CLSTN2: variants seen among roughly 807,000 people sequenced by gnomAD.
CLSTN2 encodes the protein calsyntenin-2.
CLSTN2 carries 48 observed loss-of-function variants against 101.2 expected under a neutral mutation model. That is an observed-to-expected ratio of 0.47 (90% CI 0.38 to 0.60). CLSTN2 has a LOEUF of 0.60. Among genes scored for constraint, CLSTN2 ranks in the 20% least tolerant of loss-of-function variants. CLSTN2 has a pLI of 0.00. For synonymous variants in CLSTN2, 481 were observed against 463.6 expected, an observed-to-expected ratio of 1.04 and a Z score of -0.48; for missense variants, 1,160 against 1,238.2, an observed-to-expected ratio of 0.94 and a Z score of 0.95.
chr3:140,121,711 C>A (rs2009343769), intron 1 of CLSTN2, among the ~76,000 whole-genome samples: 1 of 152,170 alleles, frequency 6.6e-6, no homozygotes, highest in Non-Finnish European at 1.5e-5. Context: ...AAGGGAAGTT[C>A]TGTGGTCTGG....
Position 140,111,512 on chromosome 3 carries a change from G to A in CLSTN2, c.110-64439G>A, listed in dbSNP as rs1412252998. ...AGGAGCAGAGTCTCTGTTTAGGCCT[G>A]AGCCCCAGTGTATCAAAGTGCCCCC... On this transcript the variant is annotated intron_variant, in intron 1 of 16. Transcript: ENST00000458420. Among the ~76,000 whole-genome samples, 6 of 152,098 alleles carry A rather than the reference G, an allele frequency of 3.9e-5. No homozygotes were observed. In the East Asian group the frequency reaches 9.7e-4, roughly 25 times the overall value.
chr3:140,486,604 C>A lies in CLSTN2; in HGVS notation c.1344+19873C>A, dbSNP rs377069296. Among the ~76,000 whole-genome samples the A allele has an allele frequency of 2.0e-5, 3 of 152,270 alleles. 1 individual carries two copies. The stretch of plus-strand genomic sequence containing the variant: ...GAGTACTCAGGCAGAGGGAGGAGTA[C>A]TCCCAGGCAAAAAACTTCAAGCTCC... On this transcript the variant is annotated intron_variant, in intron 8 of 16. Transcript: ENST00000458420.
Position 140,359,449 on chromosome 3 carries a change from C to G in CLSTN2, c.233-44180C>G, listed in dbSNP as rs567064637. 3.5e-4 allele frequency among the ~76,000 whole-genome samples: 54 copies of G among 152,310 alleles called. 1 individual carries two copies. Among genetic ancestry groups the G allele is most frequent in the African/African-American group, 1.3e-3 (53 of 41,562 alleles). On this transcript the variant is annotated intron_variant, in intron 2 of 16. Transcript: ENST00000458420. ...TAGCCAGGGCTGCACTGATGCTAAA[C>G]ATTATGTGTACACACATTAAGAAAG...
At chr3:139,944,310 T>C (rs769923757) in intron 1 of CLSTN2, among the ~76,000 whole-genome samples, 3 of 152,170 alleles carry the variant, frequency 2.0e-5, no homozygotes, top group Non-Finnish European at 2.9e-5. Context: ...GGATGCAAAG[T>C]GGAGCCACTT....
At chr3:140,145,756 C>A (rs1355688000) in intron 1 of CLSTN2, among the ~76,000 whole-genome samples, 1 of 152,168 alleles carries the variant, frequency 6.6e-6, no homozygotes, top group Non-Finnish European at 1.5e-5. Flanking sequence ...AAGTTCCAGG[C>A]AAGATTCCAA....
In CLSTN2 at chr3:140,161,135, G is replaced by A. The variant is rs72986196; in HGVS notation, c.110-14816G>A. On this transcript the variant is annotated intron_variant, in intron 1 of 16. Transcript: ENST00000458420. ...CCTTAGGGATTGAGAGACTCCTCCA[G>A]CTGGCAAGTACTTGTTCTATTTACC... Among the ~76,000 whole-genome samples, 1,208 of 152,218 alleles carry A rather than the reference G, an allele frequency of 7.9e-3. 8 individuals are homozygous for A. Among genetic ancestry groups the A allele is most frequent in the African/African-American group, 0.028 (1,143 of 41,542 alleles).
At chr3:140,197,401 T>C (rs1176511922) in intron 2 of CLSTN2, among the ~76,000 whole-genome samples, 2 of 152,226 alleles carry the variant, frequency 1.3e-5, no homozygotes, top group Admixed American at 6.5e-5. Flanking sequence ...TAAATATATA[T>C]AAAATTTGTT....
intron 8 of CLSTN2, among the ~76,000 whole-genome samples, chr3:140,467,520 G>A (rs780921063): frequency 1.3e-5 from 2 of 152,184 alleles, no homozygotes; most frequent in Non-Finnish European, 2.9e-5. Flanking sequence ...TTAAGGAATA[G>A]ATGCTGCTTA....
At chr3:140,258,422 A>G (rs925544622) in intron 2 of CLSTN2, among the ~76,000 whole-genome samples, 2 of 152,238 alleles carry the variant, frequency 1.3e-5, no homozygotes, top group African/African-American at 4.8e-5. Context: ...ATGTGGCCGT[A>G]GATAATGGAA....
At chr3:140,335,778 C>T (rs1439445075) in intron 2 of CLSTN2, among the ~76,000 whole-genome samples, 2 of 152,152 alleles carry the variant, frequency 1.3e-5, no homozygotes, top group Non-Finnish European at 2.9e-5. Flanking sequence ...CTGTAATTTT[C>T]GAGCCATGGG....
chr3:140,105,655 A>G (rs1248993706), intron 1 of CLSTN2, among the ~76,000 whole-genome samples: 3 of 152,192 alleles, frequency 2.0e-5, no homozygotes, highest in African/African-American at 7.2e-5. Flanking sequence ...AGTGTGAGGC[A>G]GGGTGGGATG....
intron 5 of CLSTN2, among the ~76,000 whole-genome samples, chr3:140,426,545 T>A (rs1242622805): frequency 6.6e-6 from 1 of 152,196 alleles, no homozygotes; most frequent in East Asian, 1.9e-4. Flanking sequence ...CATATGAATT[T>A]GGAGAGGACA....
At chr3:140,156,628 G>A (rs115109171) in intron 1 of CLSTN2, among the ~76,000 whole-genome samples, 1 of 152,294 alleles carries the variant, frequency 6.6e-6, no homozygotes, top group African/African-American at 2.4e-5. Context: ...TGAGTGTGGG[G>A]ATACTGAGGC....
chr3:140,306,910 A>C (rs2087119507), intron 2 of CLSTN2, among the ~76,000 whole-genome samples: 1 of 150,316 alleles, frequency 6.7e-6, no homozygotes, highest in Admixed American at 6.6e-5. Context: ...TTGTTTCTAC[A>C]TGAGTGACAT....
chr3:140,411,346 A>C (rs1224162204), intron 4 of CLSTN2, among the ~76,000 whole-genome samples: 1 of 152,256 alleles, frequency 6.6e-6, no homozygotes, highest in Non-Finnish European at 1.5e-5. Context: ...ATTATATGAT[A>C]ATAAAAAAAG....
intron 2 of CLSTN2, among the ~76,000 whole-genome samples, chr3:140,395,550 G>A (rs574639080): frequency 6.6e-6 from 1 of 152,294 alleles, no homozygotes; most frequent in South Asian, 2.1e-4. Flanking sequence ...ACCCAGATGT[G>A]TGAAGAAACA....
chr3:140,205,950 T>C (rs1180441601), intron 2 of CLSTN2, among the ~76,000 whole-genome samples: 2 of 151,996 alleles, frequency 1.3e-5, no homozygotes, highest in African/African-American at 2.4e-5. Flanking sequence ...GGCTGGGAGC[T>C]CCATCTTCTC....
chr3:140,433,551 C>G (rs2088658596), intron 5 of CLSTN2, among the ~76,000 whole-genome samples: 1 of 152,202 alleles, frequency 6.6e-6, no homozygotes, highest in Non-Finnish European at 1.5e-5. Context: ...TGCAGGGAGT[C>G]AGCAGAGGAT....
intron 8 of CLSTN2, among the ~76,000 whole-genome samples, chr3:140,478,410 A>G (rs1432093313): frequency 1.3e-5 from 2 of 152,212 alleles, no homozygotes; most frequent in Admixed American, 1.3e-4. Flanking sequence ...CTATTCAACA[A>G]TAAGATGAAC....
Sources: allele counts gnomAD v4.1 joint callset (sites outside exome capture counted in the v4.1 genomes callset), GRCh38; gene constraint gnomAD v4.1.1; transcripts MANE v1.5; gene names NCBI Gene and HGNC (gene_info 2026-07-23, HGNC 2026-07-21).